TAF12: variants seen among roughly 807,000 people sequenced by gnomAD.
TAF12 encodes TATA-box binding protein associated factor 12.
In TAF12, 3 loss-of-function variants were observed where a neutral mutation model predicts 20.8. The observed-to-expected ratio is 0.14, with a 90% CI of 0.07 to 0.37. TAF12 has a LOEUF of 0.37. TAF12 is among the 10% of genes least tolerant of loss of function. The pLI, the probability that TAF12 is intolerant of heterozygous loss-of-function variation, is 1.00. For missense variants in TAF12, 131 were observed against 197.9 expected (o/e 0.66, Z 2.03); for synonymous variants, 69 against 70.2 (o/e 0.98, Z 0.09).
In TAF12 at chr1:28,613,107, G is replaced by C. The variant is rs916055627; in HGVS notation, c.361+140C>G. 2.4e-5 allele frequency: 14 copies of C among 590,188 alleles called. No individual in the cohort carries two copies. The African/African-American group carries it at 2.7e-4, about 11-fold the overall frequency. The allele number at this position is 590,188 out of a possible 1,614,324, so 36.6% of individuals were successfully genotyped here. A position where few individuals can be genotyped will look rare whatever the true frequency, so the allele number is the denominator to read the frequency against. ...ACAGATGGATTTCTCTTTTCTATTT[G>C]GTGCTGTTATTGAATTAATACATAA... is the stretch of plus-strand genomic sequence containing the variant. On this transcript the variant is annotated intron_variant, in intron 4 of 5. Coordinates refer to ENST00000373824, the MANE Select transcript of TAF12 (RefSeq NM_005644.4).
chr1:28,622,044 G>A lies in TAF12; in HGVS notation c.38C>T (p.Ser13Phe). ...TTCCGGTTTTATGGATGAGAAATTG[G>A]AGAGGTTGATTAGGGCTGAGGGGCC... The part of the protein sequence containing the change: ...QFGPSALINL[S>F]NFSSIKPEPA... The change falls in exon 2 of 6, where the codon TCC (serine) becomes TTC (phenylalanine). Residue 13 changes from serine (S) to phenylalanine (F), a missense_variant. Physicochemically the swap from Ser to Phe is radical, Grantham distance 155. Coordinates refer to ENST00000373824, the MANE Select transcript of TAF12 (RefSeq NM_005644.4). The A allele has an allele frequency of 6.2e-7, 1 of 1,614,004 alleles. No individual in the cohort carries two copies. The highest frequency in any genetic ancestry group is 8.5e-7 in the Non-Finnish European group (1 of 1,180,022).
chr1:28,613,379 G>A lies in TAF12; in HGVS notation c.247-18C>T. The A allele has an allele frequency of 1.3e-6, 2 of 1,596,630 alleles. No individual in the cohort carries two copies. Among genetic ancestry groups the A allele is most frequent in the African/African-American group, 1.3e-5 (1 of 74,844 alleles). On this transcript the variant is annotated intron_variant, in intron 3 of 5. Coordinates refer to ENST00000373824, the MANE Select transcript of TAF12 (RefSeq NM_005644.4). ...AGCAGCATCTGGGGAAGGTAAAGTG[G>A]GAAGAGTCAGCACGACATTGGCAGG...
intron 1 of TAF12, among the ~76,000 whole-genome samples, chr1:28,638,513 CAG>C (rs892435309): frequency 8.2e-6 from 1 of 121,564 alleles, no homozygotes; most frequent in African/African-American, 3.2e-5. Flanking sequence ...TTTTTTGAGA[CAG>C]AGTCTCACTC....
intron 5 of TAF12, 65 bp from the exon 6 acceptor site, chr1:28,603,639 T>G: frequency 1.3e-6 from 2 of 1,560,270 alleles, no homozygotes; most frequent in South Asian, 1.1e-5. Flanking sequence ...TCTGGAACAT[T>G]CTGTGTGGCT....
At chr1:28,620,791 G>A (rs141447825) in intron 2 of TAF12, among the ~76,000 whole-genome samples, 28 of 151,326 alleles carry the variant, frequency 1.9e-4, no homozygotes, top group African/African-American at 5.1e-4. Flanking sequence ...TCTAGCCCAG[G>A]CAACAGAGCA....
chr1:28,608,748 C>G (rs546305362), intron 4 of TAF12, among the ~76,000 whole-genome samples: 1 of 151,046 alleles, frequency 6.6e-6, no homozygotes, highest in South Asian at 2.1e-4. Flanking sequence ...GACTGAGACT[C>G]TGTCTCAAAG....
At chr1:28,610,471 TTTTTAAATC>T (rs1666815572) in intron 4 of TAF12, among the ~76,000 whole-genome samples, 1 of 151,954 alleles carries the variant, frequency 6.6e-6, no homozygotes, top group Admixed American at 6.6e-5. Flanking sequence ...TTTTAAATCT[TTTTTAAATC>T]TTTTAAATCT....
chr1:28,632,392 C>T (rs1570330509), intron 1 of TAF12, among the ~76,000 whole-genome samples: 3 of 151,948 alleles, frequency 2.0e-5, no homozygotes, highest in Admixed American at 6.6e-5. Flanking sequence ...GCCAAGATTA[C>T]GCCATTGCAT....
chr1:28,616,243 G>C (rs543805151), intron 3 of TAF12, among the ~76,000 whole-genome samples: 28 of 150,608 alleles, frequency 1.9e-4, no homozygotes, highest in Middle Eastern at 7.0e-3. Context: ...CTAAAAATAC[G>C]AAATTAGTCA....
intron 2 of TAF12, among the ~76,000 whole-genome samples, chr1:28,618,735 T>G (rs962451713): frequency 6.6e-6 from 1 of 152,076 alleles, no homozygotes; most frequent in East Asian, 1.9e-4. Flanking sequence ...AGGTAACCAC[T>G]TACTTCCTCC....
chr1:28,647,569 T>C (rs1210211881), upstream of TAF12, among the ~76,000 whole-genome samples: 1 of 152,064 alleles, frequency 6.6e-6, no homozygotes, highest in Non-Finnish European at 1.5e-5. Flanking sequence ...CGTCCATCAT[T>C]ATCCATAAAA....
chr1:28,647,215 G>C (rs1022210963), upstream of TAF12, among the ~76,000 whole-genome samples: 1 of 152,138 alleles, frequency 6.6e-6, no homozygotes, highest in Admixed American at 6.6e-5. Flanking sequence ...ACTGTTCACA[G>C]TTTGGAGGAA....
chr1:28,631,588 G>A (rs531509222), intron 1 of TAF12, among the ~76,000 whole-genome samples: 1 of 152,282 alleles, frequency 6.6e-6, no homozygotes, highest in African/African-American at 2.4e-5. Flanking sequence ...CCAGTACTTT[G>A]GGAGGCCAAG....
chr1:28,617,909 C>A, intron 3 of TAF12, 44 bp downstream of exon 3: 1 of 1,563,272 alleles, frequency 6.4e-7, no homozygotes, highest in Non-Finnish European at 8.8e-7. Context: ...TATGCTATAC[C>A]GGTTCTCAGG....
chr1:28,621,278 C>CA (rs1040947944), intron 2 of TAF12, among the ~76,000 whole-genome samples: 40 of 152,208 alleles, frequency 2.6e-4, no homozygotes, highest in Admixed American at 6.6e-4. Context: ...ACACAGCCTA[C>CA]AAAAAACAAG....
intron 1 of TAF12, among the ~76,000 whole-genome samples, chr1:28,628,546 A>G (rs764455424): frequency 2.0e-5 from 3 of 152,084 alleles, no homozygotes; most frequent in Non-Finnish European, 4.4e-5. Context: ...TTTACGGGAT[A>G]CAAAAATGAT....
At chr1:28,607,865 G>A (rs952937251) in intron 4 of TAF12, among the ~76,000 whole-genome samples, 38 of 151,864 alleles carry the variant, frequency 2.5e-4, no homozygotes, top group African/African-American at 8.2e-4. Flanking sequence ...GGCCAGGCAC[G>A]ATGATTCACA....
chr1:28,646,949 C>T (rs1164137121), upstream of TAF12, among the ~76,000 whole-genome samples: 5 of 152,116 alleles, frequency 3.3e-5, no homozygotes, highest in South Asian at 6.2e-4. Flanking sequence ...CTGCCCACCT[C>T]GGCCTCTCAA....
intron 4 of TAF12, among the ~76,000 whole-genome samples, chr1:28,608,175 CAAAAAAAAAAAAA>C (rs58747974): frequency 1.7e-4 from 11 of 63,714 alleles, no homozygotes; most frequent in South Asian, 5.8e-4. Context: ...ACTAAAAATA[CAAAAAAAAAAAAA>C]AAAAAAAATA....
Sources: allele counts gnomAD v4.1 joint callset (sites outside exome capture counted in the v4.1 genomes callset), GRCh38; gene constraint gnomAD v4.1.1; transcripts MANE v1.5; gene names NCBI Gene and HGNC (gene_info 2026-07-23, HGNC 2026-07-21).